Variants in CS observed in about 807,000 individuals in gnomAD.
CS encodes citrate synthase.
Under a neutral mutation model 61.4 loss-of-function variants are expected in CS, and 13 were observed. The ratio of observed to expected loss-of-function variants is 0.21; its 90% CI spans 0.14 to 0.34. The LOEUF is 0.34. Ranked by LOEUF, CS falls within the 10% of genes least tolerant of loss-of-function variation. CS has a pLI of 1.00. For missense variants in CS, 278 were observed against 573.4 expected, an observed-to-expected ratio of 0.48 and a Z score of 5.26; for synonymous variants, 159 against 215.2, an observed-to-expected ratio of 0.74 and a Z score of 2.29.
chr12:56,282,717 T>A, intron 5 of CS, 109 bp from the exon 6 acceptor site: 1 of 1,519,996 alleles, frequency 6.6e-7, no homozygotes, highest in Non-Finnish European at 8.9e-7. Context: ...GTCAACCCAA[T>A]CCATTTATAC....
At chr12:56,295,420 C>G (rs1421928275) in intron 1 of CS, among the ~76,000 whole-genome samples, 2 of 151,638 alleles carry the variant, frequency 1.3e-5, no homozygotes, top group African/African-American at 4.8e-5. Flanking sequence ...ACTAGGGAGG[C>G]TGAGGCAGGA....
At chr12:56,299,952 G>A (rs987476199) in intron 1 of CS, 13 of 513,456 alleles carry the variant, frequency 2.5e-5, no homozygotes, top group African/African-American at 1.7e-4. Flanking sequence ...GCCGAGGGCG[G>A]GCGGCGTGCA....
Position 56,274,885 on chromosome 12 carries a change from G to T in CS, c.919-7C>A. 1 of 1,606,770 alleles carries T rather than the reference G, an allele frequency of 6.2e-7. No homozygotes were observed. The highest frequency in any genetic ancestry group is 8.5e-7 in the Non-Finnish European group (1 of 1,176,742). ...TTAGCCAGACAAGCACTTCCTATGGGTAAGGTTTGGGGAAAAAGGGAATGT... is the reference window on the plus strand; with the variant it reads ...TTAGCCAGACAAGCACTTCCTATGGTTAAGGTTTGGGGAAAAAGGGAATGT... On this transcript the variant is annotated splice_polypyrimidine_tract_variant and splice_region_variant and intron_variant, in intron 8 of 10. Transcript: ENST00000351328.
rs1872596035 is a variant in CS at position 56,275,146 on chromosome 12, G to A, written c.789-15C>T. On this transcript the variant is annotated splice_polypyrimidine_tract_variant and intron_variant, in intron 7 of 10. Transcript: ENST00000351328. ...CCTCATGGTCACTGTGGGGAAGTAA[G>A]AAGGGAGAGCCAAGGGAAGAAAGAA... is the stretch of plus-strand genomic sequence containing the variant. The A allele has an allele frequency of 1.9e-6, 3 of 1,613,886 alleles. No individual in the cohort carries two copies. The highest frequency in any genetic ancestry group is 2.5e-6 in the Non-Finnish European group (3 of 1,179,924).
chr12:56,287,479 C>CAAAAAAAAAAAA (rs61199207), intron 1 of CS, among the ~76,000 whole-genome samples: 1 of 44,714 alleles, frequency 2.2e-5, no homozygotes, highest in Non-Finnish European at 4.0e-5. Flanking sequence ...AAGACTCTGT[C>CAAAAAAAAAAAA]AAAAAAAAAA....
At chr12:56,279,461 AC>A (rs531483606) in intron 6 of CS, among the ~76,000 whole-genome samples, 49 of 152,128 alleles carry the variant, frequency 3.2e-4, no homozygotes, top group Non-Finnish European at 6.0e-4. Context: ...ACACAGTGAA[AC>A]CCCGTCTCTA....
At chr12:56,275,260 T>C in intron 7 of CS, 129 bp from the exon 8 acceptor site, 4 of 1,076,696 alleles carry the variant, frequency 3.7e-6, no homozygotes, top group Non-Finnish European at 5.4e-6. Flanking sequence ...CAGTCAGTTA[T>C]ACCTAAACTC....
intron 7 of CS, 114 bp from the exon 8 acceptor site, chr12:56,275,245 A>G: frequency 1.6e-6 from 2 of 1,264,194 alleles, no homozygotes. Context: ...ATGCCAGCCT[A>G]TAGCCAGTCA....
intron 1 of CS, among the ~76,000 whole-genome samples, chr12:56,290,239 T>C (rs1427899620): frequency 6.7e-6 from 1 of 149,472 alleles, no homozygotes; most frequent in Non-Finnish European, 1.5e-5. Context: ...TGAGAAGGAG[T>C]CTCACACTGT....
At chr12:56,281,441 C>T (rs1872773872) in intron 6 of CS, among the ~76,000 whole-genome samples, 1 of 152,196 alleles carries the variant, frequency 6.6e-6, no homozygotes, top group South Asian at 2.1e-4. Flanking sequence ...ATACTAACCA[C>T]TCTCCCACTC....
At chr12:56,273,961 G>T (rs1872570413) in intron 9 of CS, 165 bp from the exon 10 acceptor site, 3 of 585,834 alleles carry the variant, frequency 5.1e-6, no homozygotes, top group African/African-American at 1.9e-5. Flanking sequence ...AGCCTCCAGA[G>T]TAGCTGGGAC....
At chr12:56,292,730 C>CAAAAAA (rs531365770) in intron 1 of CS, among the ~76,000 whole-genome samples, 2 of 56,878 alleles carry the variant, frequency 3.5e-5, no homozygotes, top group African/African-American at 7.1e-5. Flanking sequence ...TAAAAAAATA[C>CAAAAAA]AAAAAAAAAA....
intron 1 of CS, among the ~76,000 whole-genome samples, chr12:56,296,004 C>T (rs1240426145): frequency 6.7e-6 from 1 of 149,168 alleles, no homozygotes; most frequent in East Asian, 2.0e-4. Context: ...AGTTTTAACT[C>T]CCTGACACTT....
rs895055803 is a variant in CS at position 56,294,047 on chromosome 12, G to A, written c.42+6113C>T. Among the ~76,000 whole-genome samples, 71 of 152,174 alleles carry A rather than the reference G, an allele frequency of 4.7e-4. 1 individual carries two copies. The highest frequency in any genetic ancestry group is 1.2e-4 in the Non-Finnish European group (8 of 68,034). ...AACGGTGATACTGGAAGTCGGTTTG[G>A]CACTACATGGTCAGGCCACTTAAAA... On this transcript the variant is annotated intron_variant, in intron 1 of 10. Coordinates refer to ENST00000351328, the MANE Select transcript of CS (RefSeq NM_004077.3).
chr12:56,286,267 C>A, intron 2 of CS: 1 of 555,120 alleles, frequency 1.8e-6, no homozygotes, highest in East Asian at 3.0e-5. Context: ...GATGGTTGCA[C>A]AATAATGTAA....
chr12:56,281,820 C>T (rs61937681), intron 6 of CS, among the ~76,000 whole-genome samples: 5 of 152,040 alleles, frequency 3.3e-5, no homozygotes, highest in African/African-American at 1.2e-4. Context: ...GTCTCTTTTC[C>T]GTTTCAACAG....
At chr12:56,287,440 C>CCACTG (rs1872972280) in intron 1 of CS, among the ~76,000 whole-genome samples, 1 of 122,556 alleles carries the variant, frequency 8.2e-6, no homozygotes, top group Non-Finnish European at 1.6e-5. Context: ...CAAGATTGTG[C>CCACTG]CACTGCACTC....
chr12:56,284,901 A>T (rs1872894259), intron 3 of CS, among the ~76,000 whole-genome samples: 2 of 150,790 alleles, frequency 1.3e-5, no homozygotes, highest in Non-Finnish European at 3.0e-5. Flanking sequence ...CCGTCCCAAA[A>T]AAAAAAAAAA....
At chr12:56,293,638 TGGGAGA>T (rs1458183808) in intron 1 of CS, among the ~76,000 whole-genome samples, 2 of 151,998 alleles carry the variant, frequency 1.3e-5, no homozygotes, top group Non-Finnish European at 2.9e-5. Flanking sequence ...CGCCTGGACC[TGGGAGA>T]CGGAGGTTGC....
Sources: gnomAD v4.1 joint callset for allele counts (sites outside exome capture counted in the v4.1 genomes callset) on GRCh38, gnomAD v4.1.1 for gene constraint, MANE v1.5 for transcripts, NCBI Gene and HGNC (gene_info 2026-07-23, HGNC 2026-07-21) for gene names.